Variants in SMARCC1 observed in about 807,000 individuals in gnomAD.
SMARCC1 encodes SWI/SNF related BAF chromatin remodeling complex subunit C1.
A neutral mutation model predicts 147.4 loss-of-function variants in SMARCC1; 43 were observed. The ratio of observed to expected loss-of-function variants is 0.29; its 90% CI spans 0.23 to 0.38. The LOEUF is 0.38. Among genes scored for constraint, SMARCC1 ranks in the 10% least tolerant of loss-of-function variants. The pLI is 1.00. For missense variants in SMARCC1, 1,119 were observed against 1,381.1 expected (o/e 0.81, Z 3.01); for synonymous variants, 495 against 484.4 (o/e 1.02, Z -0.29).
intron 5 of SMARCC1, among the ~76,000 whole-genome samples, chr3:47,733,850 C>T (rs373428703): frequency 6.8e-5 from 8 of 118,480 alleles, no homozygotes; most frequent in Non-Finnish European, 1.2e-4. Flanking sequence ...GGCGACACAG[C>T]GAGACTCTGT....
chr3:47,621,419 T>C (rs539983782), intron 25 of SMARCC1, among the ~76,000 whole-genome samples: 6 of 151,976 alleles, frequency 3.9e-5, no homozygotes, highest in East Asian at 3.9e-4. Context: ...TGCCCATCAA[T>C]AGTGGACTGG....
At chr3:47,672,855 T>C (rs929686596) in intron 18 of SMARCC1, among the ~76,000 whole-genome samples, 4 of 152,084 alleles carry the variant, frequency 2.6e-5, no homozygotes, top group African/African-American at 9.7e-5. Context: ...CTCGGCTCAC[T>C]GCAACCTCTT....
At chr3:47,667,317 CA>C (rs71070207) in intron 19 of SMARCC1, among the ~76,000 whole-genome samples, 31 of 131,804 alleles carry the variant, frequency 2.4e-4, no homozygotes, top group Admixed American at 5.3e-4. Context: ...GACTCCGTCT[CA>C]AAAAAAAAAA....
chr3:47,628,707 G>T (rs775656211), intron 24 of SMARCC1, among the ~76,000 whole-genome samples: 3 of 152,124 alleles, frequency 2.0e-5, no homozygotes, highest in Non-Finnish European at 4.4e-5. Context: ...TGGGCCTACA[G>T]GCACGTGCCA....
At chr3:47,677,614 C>A (rs1305657755) in intron 16 of SMARCC1, among the ~76,000 whole-genome samples, 1 of 151,392 alleles carries the variant, frequency 6.6e-6, no homozygotes, top group South Asian at 2.1e-4. Flanking sequence ...TGCAGTGGGA[C>A]GATCTCAGCT....
At chr3:47,670,584 T>C in intron 19 of SMARCC1, 74 bp downstream of exon 19, 1 of 1,008,554 alleles carries the variant, frequency 9.9e-7, no homozygotes, top group East Asian at 2.4e-5. Flanking sequence ...ACCCTGCCTC[T>C]AAATAAAACA....
chr3:47,672,360 C>T (rs1280046762), intron 18 of SMARCC1, among the ~76,000 whole-genome samples: 1 of 152,122 alleles, frequency 6.6e-6, no homozygotes, highest in African/African-American at 2.4e-5. Flanking sequence ...CGCCCGCCAA[C>T]ACGCCCGGCT....
At chr3:47,701,664 A>C in intron 10 of SMARCC1, 1 of 360,662 alleles carries the variant, frequency 2.8e-6, no homozygotes, top group Non-Finnish European at 5.1e-6. Context: ...AAATACAAAA[A>C]TAAGCCGGGC....
chr3:47,705,799 TAATA>T, intron 10 of SMARCC1, among the ~76,000 whole-genome samples: 1 of 152,320 alleles, frequency 6.6e-6, no homozygotes, highest in Non-Finnish European at 1.5e-5. Context: ...TTATGTAACT[TAATA>T]TATACCAATT....
At chr3:47,744,471 TATAA>T (rs1198650963) in intron 3 of SMARCC1, among the ~76,000 whole-genome samples, 6 of 152,208 alleles carry the variant, frequency 3.9e-5, no homozygotes, top group Admixed American at 1.3e-4. Flanking sequence ...CTATTTACTA[TATAA>T]ATAATTTATT....
Position 47,662,596 on chromosome 3 carries a change from A to T in SMARCC1, c.1900-4T>A. The T allele has an allele frequency of 6.2e-7, 1 of 1,612,356 alleles. No homozygotes were observed. The highest frequency in any genetic ancestry group is 1.1e-5 in the South Asian group (1 of 90,922). On this transcript the variant is annotated splice_region_variant and splice_polypyrimidine_tract_variant and intron_variant, in intron 19 of 27. Coordinates refer to ENST00000254480, the MANE Select transcript of SMARCC1 (RefSeq NM_003074.4). The stretch of plus-strand genomic sequence containing the variant: ...CATCCTTGTACATCTCCAGGGCCTA[A>T]GACAGAAAAAACAGATGCTTTCATG...
At chr3:47,608,418 C>T (rs543936082) in intron 26 of SMARCC1, among the ~76,000 whole-genome samples, 2 of 152,250 alleles carry the variant, frequency 1.3e-5, no homozygotes, top group African/African-American at 2.4e-5. Context: ...CAATTCTGAA[C>T]GCTCAATTCT....
At chr3:47,630,821 G>A (rs936200282) in intron 24 of SMARCC1, among the ~76,000 whole-genome samples, 5 of 152,196 alleles carry the variant, frequency 3.3e-5, no homozygotes, top group African/African-American at 4.8e-5. Context: ...CCAGGACATT[G>A]GGAGACTGAG....
At chr3:47,614,167 T>A (rs1465974678) in intron 25 of SMARCC1, among the ~76,000 whole-genome samples, 2 of 152,188 alleles carry the variant, frequency 1.3e-5, no homozygotes, top group African/African-American at 4.8e-5. Flanking sequence ...GACATATCCA[T>A]CCCTTTTTAT....
chr3:47,663,844 C>A (rs2033384167), intron 19 of SMARCC1: 4 of 1,564,140 alleles, frequency 2.6e-6, no homozygotes, highest in Non-Finnish European at 2.6e-6. Context: ...GCTCTCAGCT[C>A]ATGATGTGCA....
At chr3:47,647,083 G>C (rs999110760) in intron 21 of SMARCC1, among the ~76,000 whole-genome samples, 2 of 152,128 alleles carry the variant, frequency 1.3e-5, no homozygotes, top group Non-Finnish European at 2.9e-5. Flanking sequence ...TTTAGAGTCT[G>C]ACACTTTAGA....
chr3:47,750,850 T>G (rs573567580), intron 2 of SMARCC1, among the ~76,000 whole-genome samples: 1 of 152,136 alleles, frequency 6.6e-6, no homozygotes, highest in South Asian at 2.1e-4. Flanking sequence ...CAACAGATAT[T>G]AAATTTGAAA....
At chr3:47,625,507 T>A (rs545600743) in intron 24 of SMARCC1, among the ~76,000 whole-genome samples, 28 of 152,214 alleles carry the variant, frequency 1.8e-4, no homozygotes, top group Non-Finnish European at 2.6e-4. Context: ...AGTGCTGGGA[T>A]TACCGGCATG....
chr3:47,662,810 C>G (rs543689180), intron 19 of SMARCC1, among the ~76,000 whole-genome samples: 1 of 151,684 alleles, frequency 6.6e-6, no homozygotes, highest in Admixed American at 6.6e-5. Flanking sequence ...CGGTGGCTCA[C>G]GCGTATAATC....
Sources: allele counts gnomAD v4.1 joint callset (sites outside exome capture counted in the v4.1 genomes callset), GRCh38; gene constraint gnomAD v4.1.1; transcripts MANE v1.5; gene names NCBI Gene and HGNC (gene_info 2026-07-23, HGNC 2026-07-21).